The following PCDHGA9 variants were observed in gnomAD, a reference collection of about 807,000 sequenced individuals.
PCDHGA9 encodes the protein protocadherin gamma-A9.
PCDHGA9 carries 37 observed loss-of-function variants against 62.5 expected under a neutral mutation model. The observed-to-expected ratio is 0.59, with a 90% CI of 0.46 to 0.78. PCDHGA9 has a LOEUF of 0.78. Among genes scored for constraint, PCDHGA9 ranks in the 30% least tolerant of loss-of-function variants. The pLI, the probability that PCDHGA9 is intolerant of heterozygous loss-of-function variation, is 0.00. For synonymous variants in PCDHGA9, 459 were observed against 484.6 expected (o/e 0.95, Z 0.69); for missense variants, 1,138 against 1,166.2 (o/e 0.98, Z 0.35).
intron 1 of PCDHGA9, chr5:141,412,947 C>A (rs930035804): frequency 2.1e-6 from 1 of 474,890 alleles, no homozygotes; most frequent in African/African-American, 2.0e-5. Flanking sequence ...CTCTGAGCGC[C>A]GCTGTTCACC....
rs772255343 is a variant in PCDHGA9, at chr5:141,432,272, G to C, written c.2424+26896G>C. On this transcript the variant is annotated intron_variant, in intron 1 of 3. Coordinates refer to ENST00000573521, the MANE Select transcript of PCDHGA9 (RefSeq NM_018921.3). This position sits in a 1 kb window ranked among gnomAD's most constrained non-coding sequence, Gnocchi z 6.0. ...CCAAGGGGCAAGCCTATCGTCCTAC[G>C]TGTCCATCAACTCCGACACTGGGGT... The C allele has an allele frequency of 3.1e-6, 5 of 1,614,210 alleles. No individual in the cohort carries two copies. Among genetic ancestry groups the C allele is most frequent in the Non-Finnish European group, 4.2e-6 (5 of 1,180,042 alleles).
chr5:141,477,010 C>G lies in PCDHGA9; in HGVS notation c.2425-17797C>G. On this transcript the variant is annotated intron_variant, in intron 1 of 3. Coordinates refer to ENST00000573521, the MANE Select transcript of PCDHGA9 (RefSeq NM_018921.3). This position sits in a 1 kb window ranked among gnomAD's most constrained non-coding sequence, Gnocchi z 4.9. ...GCGTGCGGCAACTATTCGCCTTAGA[C>G]CTTGTAACCGGGATGCTGACAATCA... 4 of 1,614,260 alleles carry G rather than the reference C, an allele frequency of 2.5e-6. No homozygotes were observed. Among genetic ancestry groups the G allele is most frequent in the Non-Finnish European group, 2.5e-6 (3 of 1,180,052 alleles).
chr5:141,417,896 C>G, intron 1 of PCDHGA9: 1 of 1,576,868 alleles, frequency 6.3e-7, no homozygotes, highest in Non-Finnish European at 8.6e-7. Flanking sequence ...CCGGGCCGGC[C>G]CGCGGCAGGT....
chr5:141,450,615 T>C (rs2098687601), intron 1 of PCDHGA9, among the ~76,000 whole-genome samples: 1 of 151,340 alleles, frequency 6.6e-6, no homozygotes, highest in African/African-American at 2.4e-5. Flanking sequence ...GCCTCCTGAG[T>C]AGCTGGGATT....
At chr5:141,466,621 T>A (rs911794654) in intron 1 of PCDHGA9, among the ~76,000 whole-genome samples, 1 of 152,208 alleles carries the variant, frequency 6.6e-6, no homozygotes, top group Non-Finnish European at 1.5e-5. Context: ...GCCGTTTTCT[T>A]TGGAGCATTG....
chr5:141,485,314 T>G lies in PCDHGA9; in HGVS notation c.2425-9493T>G. Reference sequence around the variant, plus strand: ...CACAGGAAGGGACTTTTGTAGGGAATGTCGCTCAAGATTTCCTGCTGGATA... The same window carrying G: ...CACAGGAAGGGACTTTTGTAGGGAAGGTCGCTCAAGATTTCCTGCTGGATA... On this transcript the variant is annotated intron_variant, in intron 1 of 3. Coordinates refer to ENST00000573521, the MANE Select transcript of PCDHGA9 (RefSeq NM_018921.3). This position sits in a 1 kb window ranked among gnomAD's most constrained non-coding sequence, Gnocchi z 5.7. 1 of 1,614,150 alleles carries G rather than the reference T, an allele frequency of 6.2e-7. No individual in the cohort carries two copies. The highest frequency in any genetic ancestry group is 8.5e-7 in the Non-Finnish European group (1 of 1,180,032).
At chr5:141,421,030 G>C (rs989158485) in intron 1 of PCDHGA9, 2 of 532,352 alleles carry the variant, frequency 3.8e-6, no homozygotes, top group African/African-American at 3.9e-5. Context: ...GCGCCATTGA[G>C]TCCCTCCCTC....
At chr5:141,475,892 G>A (rs1279219556) in intron 1 of PCDHGA9, 1 of 568,264 alleles carries the variant, frequency 1.8e-6, no homozygotes, top group Non-Finnish European at 3.1e-6. Context: ...GGGACTCTGT[G>A]TGCCGCTGTC....
rs1203236737 is a variant in PCDHGA9, at chr5:141,403,929, G to A, written c.977G>A (p.Gly326Glu). 5 of 1,613,854 alleles carry A rather than the reference G, an allele frequency of 3.1e-6. No homozygotes were observed. Among genetic ancestry groups the A allele is most frequent in the Non-Finnish European group, 4.2e-6 (5 of 1,179,858 alleles). The change falls in exon 1 of 4, where the codon GGA (glycine) becomes GAA (glutamate). Residue 326 changes from glycine to glutamate, a missense_variant. Gly to Glu is a moderately conservative substitution (Grantham distance 98). Transcript: ENST00000573521. ...EMEIQAEDGGGLKGWTKVLIS... is the reference protein window; with the variant it reads ...EMEIQAEDGGELKGWTKVLIS... ...GAAATACAAGCTGAAGATGGTGGGG[G>A]ATTGAAAGGGTGGACAAAAGTGCTC...
At chr5:141,433,877 A>G (rs1481965040) in intron 1 of PCDHGA9, among the ~76,000 whole-genome samples, 5 of 151,470 alleles carry the variant, frequency 3.3e-5, no homozygotes, top group Admixed American at 6.6e-5. Context: ...AGTTTCATCC[A>G]TTGATGACAC....
intron 1 of PCDHGA9, chr5:141,422,401 C>G: frequency 6.3e-7 from 1 of 1,598,896 alleles, no homozygotes; most frequent in Non-Finnish European, 8.5e-7. Context: ...TAACCACCTG[C>G]CTTTTAAATT....
In PCDHGA9 at chr5:141,454,796, A is replaced by ATTTTTTTTTTTTTTTTTTTTT. The variant is rs61612330; in HGVS notation, c.2425-40002_2425-39982dup. Reference sequence around the variant, plus strand: ...AAGGAAATAATCCTCCATGGTTCTAATTTTTTTTTTTTTTTTTTTTTTTTT... The same window carrying ATTTTTTTTTTTTTTTTTTTTT: ...AAGGAAATAATCCTCCATGGTTCTAATTTTTTTTTTTTTTTTTTTTTTTTTTTTTTTTTTTTTTTTTTTTTT... On this transcript the variant is annotated intron_variant, in intron 1 of 3. Transcript: ENST00000573521. Among the ~76,000 whole-genome samples, 10 of 77,454 alleles carry ATTTTTTTTTTTTTTTTTTTTT rather than the reference A, an allele frequency of 1.3e-4. 1 individual carries two copies. Among genetic ancestry groups the ATTTTTTTTTTTTTTTTTTTTT allele is most frequent in the Non-Finnish European group, 1.9e-4 (8 of 42,810 alleles). The allele number at this position is 77,454 out of a possible 152,430, so 50.8% of individuals were successfully genotyped here. A position where few individuals can be genotyped will look rare whatever the true frequency, so the allele number is the denominator to read the frequency against.
chr5:141,474,981 G>A (rs1336399018), intron 1 of PCDHGA9, among the ~76,000 whole-genome samples: 1 of 152,126 alleles, frequency 6.6e-6, no homozygotes, highest in African/African-American at 2.4e-5. Context: ...ATTTTGTTTG[G>A]TGACAACAAT....
At chr5:141,445,313 T>C (rs1186654847) in intron 1 of PCDHGA9, among the ~76,000 whole-genome samples, 8 of 152,328 alleles carry the variant, frequency 5.3e-5, no homozygotes, top group Non-Finnish European at 4.4e-5. Flanking sequence ...GTTTGTAGGT[T>C]GAGAGAACCC....
intron 2 of PCDHGA9, 30 bp from the exon 3 acceptor site, chr5:141,505,361 AGT>A: frequency 6.2e-7 from 1 of 1,613,910 alleles, no homozygotes; most frequent in Non-Finnish European, 8.5e-7. Context: ...CCGGCCTGGG[AGT>A]CTGTGCTCAC....
intron 1 of PCDHGA9, chr5:141,471,546 G>T (rs1271594387): frequency 6.6e-6 from 1 of 152,202 alleles, no homozygotes; most frequent in African/African-American, 2.4e-5. Flanking sequence ...AGCATTTAAG[G>T]TTGCTTTGAC....
chr5:141,421,389 G>T (rs200646513), intron 1 of PCDHGA9: 1 of 1,613,934 alleles, frequency 6.2e-7, no homozygotes, highest in African/African-American at 1.3e-5. Context: ...AGGACCTGGG[G>T]CTGGAGCCCC....
chr5:141,510,529 A>G (rs2099881539), intron 3 of PCDHGA9, among the ~76,000 whole-genome samples: 2 of 152,242 alleles, frequency 1.3e-5, no homozygotes, highest in Admixed American at 6.5e-5. Flanking sequence ...CCCTGAGAGA[A>G]ATACCAGCGA....
chr5:141,478,576 G>C (rs543160289), intron 1 of PCDHGA9: 3 of 1,585,598 alleles, frequency 1.9e-6, no homozygotes, highest in Middle Eastern at 3.3e-4. Flanking sequence ...GCTTGACCCT[G>C]TTAGTGCTTT....
Sources: gnomAD v4.1 joint callset for allele counts (sites outside exome capture counted in the v4.1 genomes callset) on GRCh38, gnomAD v4.1.1 for gene constraint, Gnocchi (gnomAD v3.1) non-coding constraint, MANE v1.5 for transcripts, NCBI Gene and HGNC (gene_info 2026-07-23, HGNC 2026-07-21) for gene names.